The following GRM7 variants were observed in gnomAD, a reference collection of about 807,000 sequenced individuals.
GRM7 encodes the protein metabotropic glutamate receptor 7.
In GRM7, 35 loss-of-function variants were observed where a neutral mutation model predicts 84.5. The ratio of observed to expected loss-of-function variants is 0.41; its 90% CI spans 0.32 to 0.55. GRM7 has a LOEUF of 0.55. Among genes scored for constraint, GRM7 ranks in the 20% least tolerant of loss-of-function variants. GRM7 has a pLI of 0.19. For missense variants in GRM7, 1,003 were observed against 1,194.6 expected (o/e 0.84, Z 2.36); for synonymous variants, 487 against 455.1 (o/e 1.07, Z -0.89).
intron 8 of GRM7, among the ~76,000 whole-genome samples, chr3:7,646,008 A>G (rs1698621052): frequency 6.6e-6 from 1 of 152,056 alleles, no homozygotes; most frequent in Admixed American, 6.5e-5. Context: ...ATCTATCAGA[A>G]TATTACATCT....
chr3:7,510,273 C>T (rs748588057), intron 7 of GRM7, among the ~76,000 whole-genome samples: 8 of 152,120 alleles, frequency 5.3e-5, no homozygotes, highest in Non-Finnish European at 1.2e-4. Context: ...TTTGAACATT[C>T]AGGCTCCCCA....
chr3:7,564,702 T>A (rs1260947414), intron 7 of GRM7, among the ~76,000 whole-genome samples: 1 of 152,204 alleles, frequency 6.6e-6, no homozygotes, highest in Non-Finnish European at 1.5e-5. Flanking sequence ...GTCTCAGGCA[T>A]CATGCTATTC....
At chr3:7,530,450 T>C (rs962125521) in intron 7 of GRM7, among the ~76,000 whole-genome samples, 2 of 152,270 alleles carry the variant, frequency 1.3e-5, no homozygotes, top group East Asian at 1.9e-4. Context: ...ATCCTTTGGG[T>C]TTATACTCAG....
chr3:7,376,920 TACCACCTC>T lies in GRM7; in HGVS notation c.1034-38102_1034-38095del, dbSNP rs1694374870. Among the ~76,000 whole-genome samples, 9 of 152,266 alleles carry T rather than the reference TACCACCTC, an allele frequency of 5.9e-5. 1 individual carries two copies. Among genetic ancestry groups the T allele is most frequent in the Admixed American group, 5.9e-4 (9 of 15,288 alleles). ...CTGCCTACCAGTGCATCTACAGTAG[TACCACCTC>T]CCCATTTGTGACAACCAAAAATGTC... On this transcript the variant is annotated intron_variant, in intron 4 of 9. Coordinates refer to ENST00000357716, the MANE Select transcript of GRM7 (RefSeq NM_000844.4).
chr3:7,487,528 C>T (rs1272879148), intron 7 of GRM7, among the ~76,000 whole-genome samples: 2 of 152,172 alleles, frequency 1.3e-5, no homozygotes, highest in African/African-American at 2.4e-5. Context: ...AGTTGCTGCT[C>T]CTCACGTCCA....
intron 1 of GRM7, among the ~76,000 whole-genome samples, chr3:7,075,544 G>GTGTGTGTGTT (rs1409676420): frequency 1.4e-5 from 2 of 140,298 alleles, no homozygotes; most frequent in Non-Finnish European, 3.1e-5. Flanking sequence ...GTGTGTGTGT[G>GTGTGTGTGTT]TTTGGAGATG....
intron 1 of GRM7, among the ~76,000 whole-genome samples, chr3:6,924,256 A>G (rs1697224707): frequency 6.6e-6 from 1 of 152,218 alleles, no homozygotes; most frequent in Non-Finnish European, 1.5e-5. Context: ...TAAATGGGAT[A>G]CTGTGAAGAC....
At chr3:7,503,073 T>G (rs1699931560) in intron 7 of GRM7, among the ~76,000 whole-genome samples, 1 of 152,182 alleles carries the variant, frequency 6.6e-6, no homozygotes, top group East Asian at 1.9e-4. Flanking sequence ...ATACTGTGTC[T>G]ACTTACAATC....
chr3:7,213,319 T>C (rs1433639742), intron 2 of GRM7, among the ~76,000 whole-genome samples: 3 of 152,288 alleles, frequency 2.0e-5, no homozygotes, highest in South Asian at 4.1e-4. Flanking sequence ...TTTCTTTCTT[T>C]CAAATATCTA....
chr3:7,351,350 AAAAAAAAAAAAAAC>A lies in GRM7; in HGVS notation c.1033+44701_1033+44714del, dbSNP rs1179456545. Among the ~76,000 whole-genome samples the A allele has an allele frequency of 1.7e-3, 263 of 151,078 alleles. 2 individuals are homozygous for A. The highest frequency in any genetic ancestry group is 5.7e-3 in the African/African-American group (234 of 41,020). On this transcript the variant is annotated intron_variant, in intron 4 of 9. Coordinates refer to ENST00000357716, the MANE Select transcript of GRM7 (RefSeq NM_000844.4). Reference sequence around the variant, plus strand: ...TTATTCCCACAGGCGAAAAAAAAAAAAAAAAAAAAAAAACAACTGACTTATAAACTGACCCAACC... The same window carrying A: ...TTATTCCCACAGGCGAAAAAAAAAAAAACTGACTTATAAACTGACCCAACC...
Position 7,653,710 on chromosome 3 carries a change from G to A in GRM7, c.2452-26339G>A, listed in dbSNP as rs961588821. ...ACTGAATATTAAGTGGATGGTGCAT[G>A]TTCCAAAGAAAGGCATTCAAATTTG... On this transcript the variant is annotated intron_variant, in intron 8 of 9. Coordinates refer to ENST00000357716, the MANE Select transcript of GRM7 (RefSeq NM_000844.4). Among the ~76,000 whole-genome samples, 5 of 152,326 alleles carry A rather than the reference G, an allele frequency of 3.3e-5. 1 individual carries two copies. The highest frequency in any genetic ancestry group is 2.6e-4 in the Admixed American group (4 of 15,302).
intron 1 of GRM7, among the ~76,000 whole-genome samples, chr3:7,144,839 A>G (rs923946003): frequency 7.2e-5 from 11 of 152,190 alleles, no homozygotes; most frequent in Non-Finnish European, 1.3e-4. Context: ...AGAAGGACCC[A>G]TCAGGAGACA....
intron 2 of GRM7, among the ~76,000 whole-genome samples, chr3:7,286,338 T>G (rs1699430643): frequency 6.6e-6 from 1 of 152,212 alleles, no homozygotes; most frequent in Non-Finnish European, 1.5e-5. Flanking sequence ...ATGTAATTTC[T>G]GACTTGTTAT....
intron 1 of GRM7, among the ~76,000 whole-genome samples, chr3:7,016,470 T>C (rs948938739): frequency 6.6e-6 from 1 of 152,152 alleles, no homozygotes; most frequent in Non-Finnish European, 1.5e-5. Flanking sequence ...GAAGTCATCA[T>C]GATGGATGAG....
chr3:7,578,058 G>C (rs1230020222), intron 7 of GRM7, among the ~76,000 whole-genome samples: 1 of 152,204 alleles, frequency 6.6e-6, no homozygotes, highest in Non-Finnish European at 1.5e-5. Flanking sequence ...TAGAGTGCAT[G>C]CCAGTTTTTC....
chr3:7,099,579 CAT>C (rs1364005622), intron 1 of GRM7, among the ~76,000 whole-genome samples: 7 of 143,272 alleles, frequency 4.9e-5, no homozygotes, highest in Non-Finnish European at 9.2e-5. Flanking sequence ...TACATGTGCA[CAT>C]ATATGTATAT....
At chr3:7,180,748 A>T (rs889614803) in intron 2 of GRM7, among the ~76,000 whole-genome samples, 1 of 152,092 alleles carries the variant, frequency 6.6e-6, no homozygotes, top group Non-Finnish European at 1.5e-5. Flanking sequence ...GATTATAAAG[A>T]CCTCTGTAAA....
intron 7 of GRM7, among the ~76,000 whole-genome samples, chr3:7,501,687 T>G (rs192729219): frequency 3.1e-4 from 47 of 152,352 alleles, no homozygotes; most frequent in Admixed American, 2.4e-3. Context: ...TTTACCATGA[T>G]TCCTATAGGT....
intron 1 of GRM7, among the ~76,000 whole-genome samples, chr3:6,958,996 T>C (rs1176231293): frequency 6.6e-6 from 1 of 152,236 alleles, no homozygotes; most frequent in Non-Finnish European, 1.5e-5. Flanking sequence ...GGCCATGATG[T>C]CCAGGGGCAT....
Sources: gnomAD v4.1 joint callset for allele counts (sites outside exome capture counted in the v4.1 genomes callset) on GRCh38, gnomAD v4.1.1 for gene constraint, MANE v1.5 for transcripts, NCBI Gene and HGNC (gene_info 2026-07-23, HGNC 2026-07-21) for gene names.